IGF2BP3: variants seen among roughly 807,000 people sequenced by gnomAD.
IGF2BP3 encodes insulin-like growth factor 2 mRNA-binding protein 3.
IGF2BP3 carries 9 observed loss-of-function variants against 73.8 expected under a neutral mutation model. The ratio of observed to expected loss-of-function variants is 0.12; its 90% CI spans 0.07 to 0.21. The LOEUF is 0.21. IGF2BP3 is among the 10% of genes least tolerant of loss of function. The pLI is 1.00. For synonymous variants in IGF2BP3, 258 were observed against 256.7 expected (o/e 1.01, Z -0.05); for missense variants, 542 against 714.0 (o/e 0.76, Z 2.75).
intron 2 of IGF2BP3, among the ~76,000 whole-genome samples, chr7:23,434,726 G>A (rs79078294): frequency 0.044 from 6,660 of 152,112 alleles, 330 homozygotes; most frequent in African/African-American, 0.12. Context: ...GCAATGCTAC[G>A]TTACCAGTCT....
intron 3 of IGF2BP3, among the ~76,000 whole-genome samples, chr7:23,403,447 T>C (rs909145393): frequency 6.6e-6 from 1 of 152,222 alleles, no homozygotes; most frequent in Non-Finnish European, 1.5e-5. Context: ...TATAGATATA[T>C]ATAAGTGGCT....
chr7:23,463,756 T>C (rs940265953), intron 2 of IGF2BP3, among the ~76,000 whole-genome samples: 2 of 152,222 alleles, frequency 1.3e-5, no homozygotes, highest in Admixed American at 6.5e-5. Context: ...CTTATCAACA[T>C]GCATCTAATT....
intron 2 of IGF2BP3, among the ~76,000 whole-genome samples, chr7:23,436,038 T>C (rs574753773): frequency 5.0e-4 from 76 of 152,342 alleles, no homozygotes; most frequent in African/African-American, 1.7e-3. Context: ...AGAACAGGCA[T>C]GAGCCACATG....
At chr7:23,368,380 AAAG>A (rs1399250395) in intron 3 of IGF2BP3, among the ~76,000 whole-genome samples, 2 of 150,276 alleles carry the variant, frequency 1.3e-5, no homozygotes, top group Non-Finnish European at 2.9e-5. Flanking sequence ...AGAAAGAAAG[AAAG>A]AAAAGAAGGC....
At chr7:23,317,747 T>C (rs1379456839) in intron 11 of IGF2BP3, 34 bp from the exon 12 acceptor site, 1 of 1,552,928 alleles carries the variant, frequency 6.4e-7, no homozygotes, top group Admixed American at 1.7e-5. Flanking sequence ...TATGATACTT[T>C]CAGGTATCAC....
chr7:23,323,923 G>A (rs1784224943), intron 10 of IGF2BP3, among the ~76,000 whole-genome samples: 1 of 151,864 alleles, frequency 6.6e-6, no homozygotes, highest in African/African-American at 2.4e-5. Context: ...TCAAAGCAGT[G>A]TGTAGAGGGA....
intron 3 of IGF2BP3, among the ~76,000 whole-genome samples, chr7:23,411,769 T>C (rs894132752): frequency 6.6e-6 from 1 of 152,120 alleles, no homozygotes; most frequent in Non-Finnish European, 1.5e-5. Flanking sequence ...CCGTGGTCCC[T>C]GCCTACTCTC....
intron 2 of IGF2BP3, among the ~76,000 whole-genome samples, chr7:23,436,017 A>G (rs914115513): frequency 3.3e-5 from 5 of 152,244 alleles, no homozygotes; most frequent in African/African-American, 9.6e-5. Flanking sequence ...TCGGCCTCCC[A>G]AAGTACTGGG....
chr7:23,391,401 T>C (rs866003312), intron 3 of IGF2BP3, among the ~76,000 whole-genome samples: 3 of 152,266 alleles, frequency 2.0e-5, no homozygotes, highest in South Asian at 4.1e-4. Context: ...TGCCCGGCCT[T>C]GTCATTGCCT....
chr7:23,370,567 A>G (rs274043), intron 3 of IGF2BP3, among the ~76,000 whole-genome samples: 5,974 of 152,198 alleles, frequency 0.039, 194 homozygotes, highest in South Asian at 0.1. Flanking sequence ...GCCATGTCTT[A>G]CCTTTGAACT....
intron 3 of IGF2BP3, among the ~76,000 whole-genome samples, chr7:23,412,274 T>G (rs1454234898): frequency 2.0e-5 from 3 of 152,144 alleles, no homozygotes; most frequent in African/African-American, 7.2e-5. Context: ...TGAGCCACCA[T>G]ACCAGGCCTA....
At chr7:23,465,050 T>C (rs1311310276) in intron 2 of IGF2BP3, among the ~76,000 whole-genome samples, 2 of 152,156 alleles carry the variant, frequency 1.3e-5, no homozygotes, top group Non-Finnish European at 2.9e-5. Flanking sequence ...GTGTCAGCAA[T>C]TTTCCTCTTC....
intron 13 of IGF2BP3, 43 bp downstream of exon 13, chr7:23,313,479 T>A (rs369158103): frequency 1.9e-6 from 3 of 1,600,474 alleles, no homozygotes; most frequent in Non-Finnish European, 2.6e-6. Flanking sequence ...CTTTCAACGC[T>A]TTCCCTTTCA....
At chr7:23,322,067 G>A (rs1784170140) in intron 10 of IGF2BP3, among the ~76,000 whole-genome samples, 1 of 152,204 alleles carries the variant, frequency 6.6e-6, no homozygotes, top group Non-Finnish European at 1.5e-5. Context: ...GAGCAAAGCT[G>A]GACGGAGAGT....
At chr7:23,317,547 T>G in intron 12 of IGF2BP3, 92 bp downstream of exon 12, 5 of 880,164 alleles carry the variant, frequency 5.7e-6, no homozygotes, top group South Asian at 1.5e-5. Flanking sequence ...TGACTCTTTC[T>G]GAGATTTAGA....
chr7:23,462,233 G>C (rs546272160), intron 2 of IGF2BP3, among the ~76,000 whole-genome samples: 1 of 152,264 alleles, frequency 6.6e-6, no homozygotes, highest in East Asian at 1.9e-4. Flanking sequence ...TGCAGCAATA[G>C]ATAACTGATA....
At chr7:23,382,833 G>C (rs528629103) in intron 3 of IGF2BP3, among the ~76,000 whole-genome samples, 23 of 130,630 alleles carry the variant, frequency 1.8e-4, no homozygotes, top group African/African-American at 6.0e-4. Context: ...GGAGGGTAGA[G>C]ATTTGCTGGA....
chr7:23,410,648 A>G (rs1276888842), intron 3 of IGF2BP3, among the ~76,000 whole-genome samples: 1 of 152,212 alleles, frequency 6.6e-6, no homozygotes, highest in African/African-American at 2.4e-5. Context: ...TTCTTTAAAC[A>G]GAGAACTTTA....
At chr7:23,429,701 C>T (rs1341016773) in intron 2 of IGF2BP3, among the ~76,000 whole-genome samples, 2 of 152,016 alleles carry the variant, frequency 1.3e-5, no homozygotes, top group Non-Finnish European at 2.9e-5. Flanking sequence ...ATATTAATAC[C>T]AAGAAAGAAG....
Sources: allele counts gnomAD v4.1 joint callset (sites outside exome capture counted in the v4.1 genomes callset), GRCh38; gene constraint gnomAD v4.1.1; transcripts MANE v1.5; gene names NCBI Gene and HGNC (gene_info 2026-07-23, HGNC 2026-07-21).